The following TENM1 variants were observed in gnomAD, a reference collection of about 807,000 sequenced individuals.
TENM1 encodes teneurin-1.
A neutral mutation model predicts 174.8 loss-of-function variants in TENM1; 35 were observed. The ratio of observed to expected loss-of-function variants is 0.20; its 90% CI spans 0.15 to 0.27. The LOEUF (loss-of-function observed/expected upper bound fraction) is 0.27, where lower values mean the gene tolerates loss of function less well. Among genes scored for constraint, TENM1 ranks in the 10% least tolerant of loss-of-function variants. TENM1 has a pLI of 1.00. For synonymous variants in TENM1, 781 were observed against 798.7 expected, an observed-to-expected ratio of 0.98 and a Z score of 0.37; for missense variants, 1,633 against 2,130.1, an observed-to-expected ratio of 0.77 and a Z score of 4.59.
intron 15 of TENM1, among the ~76,000 whole-genome samples, chrX:124,543,219 C>A (rs1476256525): frequency 8.9e-6 from 1 of 112,552 alleles, no homozygotes; most frequent in African/African-American, 3.2e-5. Context: ...GCATCCCAAG[C>A]TGTGTAAATT....
At chrX:124,972,122 A>G in the TENM1 span, among the ~76,000 whole-genome samples, 1 of 109,019 alleles carries the variant, frequency 9.2e-6, no homozygotes, top group Non-Finnish European at 1.9e-5. Context: ...AATCCCAGCT[A>G]TTCGGGATGC....
chrX:124,819,923 G>A lies in TENM1; in HGVS notation c.535+74373C>T, dbSNP rs193112188. ...TGATTCTCATGCCCCAGCCTCCCTA[G>A]TAGCTGGGATCATAGGTGTGTACCA... On this transcript the variant is annotated intron_variant, in intron 3 of 31. Transcript: ENST00000422452. Among the ~76,000 whole-genome samples, 408 of 109,144 alleles carry A rather than the reference G, an allele frequency of 3.7e-3. 1 individual carries two copies. The highest frequency in any genetic ancestry group is 0.013 in the African/African-American group (378 of 29,872). 94.8% of individuals were successfully genotyped at this position (109,144 alleles called of 115,157 possible).
chrX:124,553,623 T>TAAAAAA (rs767529045), intron 14 of TENM1, among the ~76,000 whole-genome samples: 1 of 79,080 alleles, frequency 1.3e-5, no homozygotes, highest in Non-Finnish European at 2.5e-5. Flanking sequence ...ATCTTGCCTT[T>TAAAAAA]AAAAAAAAAA....
the TENM1 span, among the ~76,000 whole-genome samples, chrX:125,027,611 CTTTTTTTT>C: frequency 2.4e-5 from 2 of 83,089 alleles, no homozygotes; most frequent in African/African-American, 4.5e-5. Flanking sequence ...TTTTCTTTTT[CTTTTTTTT>C]TTTTTTTTTT....
chrX:124,804,976 A>G (rs1165164530), intron 3 of TENM1, among the ~76,000 whole-genome samples: 2 of 112,018 alleles, frequency 1.8e-5, no homozygotes, highest in African/African-American at 6.5e-5. Context: ...CCTAGGGAGT[A>G]TTTTCAATTC....
At chrX:124,385,992 C>T in exon 29 of TENM1, 1 of 1,208,139 alleles carries the variant, frequency 8.3e-7, no homozygotes, top group South Asian at 1.8e-5. Context: ...GGCATGGTGA[C>T]TGAGAGCAGA....
the TENM1 span, among the ~76,000 whole-genome samples, chrX:125,188,183 A>G: frequency 3.6e-5 from 4 of 110,321 alleles, no homozygotes; most frequent in Admixed American, 1.9e-4. Flanking sequence ...AAATAAAAAT[A>G]TTAGCCAGGC....
intron 15 of TENM1, among the ~76,000 whole-genome samples, chrX:124,544,088 G>A (rs868188989): frequency 4.9e-4 from 55 of 112,781 alleles, no homozygotes; most frequent in African/African-American, 1.7e-3. Context: ...TTCTTCACCC[G>A]CCTACCCAGC....
intron 18 of TENM1, among the ~76,000 whole-genome samples, chrX:124,519,396 T>C (rs1422220442): frequency 3.7e-5 from 4 of 107,660 alleles, no homozygotes; most frequent in Non-Finnish European, 7.7e-5. Flanking sequence ...GAGTCATTAG[T>C]CTCTCTCTCT....
At chrX:124,845,070 T>C (rs5958605) in intron 3 of TENM1, among the ~76,000 whole-genome samples, 3,935 of 111,665 alleles carry the variant, frequency 0.035, 167 homozygotes, top group African/African-American at 0.12. Flanking sequence ...GGAGATGGGG[T>C]AAAAACAAAA....
chrX:124,793,927 C>A (rs2055242739), intron 3 of TENM1, among the ~76,000 whole-genome samples: 2 of 110,767 alleles, frequency 1.8e-5, no homozygotes, highest in South Asian at 7.7e-4. Flanking sequence ...TTTCTATCTT[C>A]CTCCTCTTCT....
intron 3 of TENM1, among the ~76,000 whole-genome samples, chrX:124,838,454 A>G (rs1170274718): frequency 8.9e-6 from 1 of 112,291 alleles, no homozygotes; most frequent in Admixed American, 9.4e-5. Context: ...AAGGCAAGAC[A>G]CAGACTGAGA....
Position 124,712,052 on chromosome X carries a change from T to C in TENM1, c.777-6801A>G, listed in dbSNP as rs756543034. 2.7e-5 allele frequency among the ~76,000 whole-genome samples: 3 copies of C among 112,284 alleles called. No individual in the cohort carries two copies. The East Asian group carries it at 8.4e-4, about 31-fold the overall frequency. ...CATTTTTAGGCCAAATAATATTCTT[T>C]TGTATGTATGTACCATATTTTGTTT... On this transcript the variant is annotated intron_variant, in intron 4 of 31. Coordinates refer to ENST00000422452, the Ensembl canonical transcript of TENM1.
At chrX:124,721,975 G>A (rs777843075) in intron 4 of TENM1, among the ~76,000 whole-genome samples, 8 of 112,012 alleles carry the variant, frequency 7.1e-5, no homozygotes, top group Non-Finnish European at 1.5e-4. Context: ...TAAGCCTTTT[G>A]ATTTTGACAG....
intron 22 of TENM1, among the ~76,000 whole-genome samples, chrX:124,462,990 GCAAA>G (rs1232374792): frequency 1.8e-5 from 2 of 111,730 alleles, no homozygotes; most frequent in African/African-American, 3.3e-5. Flanking sequence ...ACAACCAAGA[GCAAA>G]CAGACAAAGG....
intron 25 of TENM1, among the ~76,000 whole-genome samples, chrX:124,413,642 C>A (rs764809682): frequency 8.9e-6 from 1 of 112,297 alleles, no homozygotes; most frequent in Non-Finnish European, 1.9e-5. Flanking sequence ...TTTACTCACT[C>A]TTGATCCTTA....
intron 3 of TENM1, among the ~76,000 whole-genome samples, chrX:124,794,338 C>G (rs779235966): frequency 9.9e-5 from 11 of 111,464 alleles, no homozygotes; most frequent in Non-Finnish European, 1.9e-4. Context: ...TTTAACATAC[C>G]TAAAACATAA....
At chrX:124,829,856 T>C (rs2147325779) in intron 3 of TENM1, among the ~76,000 whole-genome samples, 1 of 112,394 alleles carries the variant, frequency 8.9e-6, no homozygotes, top group African/African-American at 3.2e-5. Flanking sequence ...ACAAACCCTA[T>C]CTACGTCTAC....
the TENM1 span, among the ~76,000 whole-genome samples, chrX:125,079,661 G>T: frequency 2.7e-5 from 3 of 111,248 alleles, no homozygotes; most frequent in Non-Finnish European, 5.7e-5. Flanking sequence ...TTTCTCCATT[G>T]TCCTATCCAT....
Sources: allele counts gnomAD v4.1 joint callset (sites outside exome capture counted in the v4.1 genomes callset), GRCh38; gene constraint gnomAD v4.1.1; transcripts MANE v1.5; gene names NCBI Gene and HGNC (gene_info 2026-07-23, HGNC 2026-07-21).